Variants in TNR observed in about 807,000 individuals in gnomAD.
TNR encodes tenascin-R.
In TNR, 45 loss-of-function variants were observed where a neutral mutation model predicts 150.4. The ratio of observed to expected loss-of-function variants is 0.30; its 90% CI spans 0.24 to 0.38. The LOEUF is 0.38. Ranked by LOEUF, TNR falls within the 10% of genes least tolerant of loss-of-function variation. TNR has a pLI of 1.00. For synonymous variants in TNR, 687 were observed against 678.4 expected (o/e 1.01, Z -0.20); for missense variants, 1,544 against 1,759.1 (o/e 0.88, Z 2.19).
chr1:175,354,077 C>T (rs1202209749), intron 18 of TNR, among the ~76,000 whole-genome samples: 1 of 152,108 alleles, frequency 6.6e-6, no homozygotes, highest in Non-Finnish European at 1.5e-5. Flanking sequence ...AACTCCTGAC[C>T]TCAGGTAATC....
chr1:175,607,477 T>C (rs1414765232), intron 1 of TNR, among the ~76,000 whole-genome samples: 1 of 152,230 alleles, frequency 6.6e-6, no homozygotes, highest in East Asian at 1.9e-4. Context: ...TTCTGAGTAA[T>C]CACAGAACAC....
chr1:175,671,023 A>T (rs1665681825), intron 1 of TNR, among the ~76,000 whole-genome samples: 2 of 152,174 alleles, frequency 1.3e-5, no homozygotes, highest in African/African-American at 4.8e-5. Context: ...GCTGGAACTC[A>T]GGCCATGACA....
intron 6 of TNR, among the ~76,000 whole-genome samples, chr1:175,393,399 T>C (rs942776209): frequency 1.3e-5 from 2 of 152,212 alleles, no homozygotes; most frequent in African/African-American, 4.8e-5. Context: ...GCTGATTATG[T>C]GATGGATTCA....
intron 1 of TNR, among the ~76,000 whole-genome samples, chr1:175,626,241 A>C (rs553799666): frequency 2.6e-4 from 39 of 152,182 alleles, no homozygotes; most frequent in Non-Finnish European, 2.5e-4. Flanking sequence ...GTGAAAATGC[A>C]CTAATACATT....
chr1:175,529,534 G>A (rs1659983354), intron 1 of TNR, among the ~76,000 whole-genome samples: 1 of 152,210 alleles, frequency 6.6e-6, no homozygotes, highest in Non-Finnish European at 1.5e-5. Flanking sequence ...TCATCAATGG[G>A]TTTGCCAGGG....
At chr1:175,490,676 T>C (rs1404088722) in intron 2 of TNR, among the ~76,000 whole-genome samples, 3 of 152,150 alleles carry the variant, frequency 2.0e-5, no homozygotes, top group African/African-American at 7.2e-5. Context: ...TGAGTTACCA[T>C]CTCACACAAG....
At chr1:175,534,744 C>A (rs1660203534) in intron 1 of TNR, among the ~76,000 whole-genome samples, 4 of 152,274 alleles carry the variant, frequency 2.6e-5, no homozygotes, top group African/African-American at 9.6e-5. Context: ...GCTTGCCCTG[C>A]CTATAGTGGC....
chr1:175,544,621 G>C (rs773603443), intron 1 of TNR, among the ~76,000 whole-genome samples: 1 of 152,178 alleles, frequency 6.6e-6, no homozygotes, highest in Non-Finnish European at 1.5e-5. Flanking sequence ...GGTGCTAATT[G>C]GTGTTAAGGG....
At chr1:175,603,079 T>C (rs569146686) in intron 1 of TNR, among the ~76,000 whole-genome samples, 5 of 152,154 alleles carry the variant, frequency 3.3e-5, no homozygotes, top group Non-Finnish European at 7.3e-5. Context: ...AACCGAGTAA[T>C]AGAAGTTGGT....
chr1:175,741,846 T>C (rs147126389), intron 1 of TNR, among the ~76,000 whole-genome samples: 25 of 152,278 alleles, frequency 1.6e-4, no homozygotes, highest in South Asian at 4.1e-4. Flanking sequence ...TAGGGTCCAT[T>C]TGGGGTTGGA....
intron 1 of TNR, among the ~76,000 whole-genome samples, chr1:175,623,706 G>A (rs1264154474): frequency 6.6e-6 from 1 of 152,240 alleles, no homozygotes; most frequent in Admixed American, 6.5e-5. Context: ...CAGAGAAGAG[G>A]TGACAGGGAG....
intron 2 of TNR, among the ~76,000 whole-genome samples, chr1:175,462,312 C>T (rs148087110): frequency 1.4e-4 from 21 of 152,278 alleles, no homozygotes; most frequent in African/African-American, 4.8e-4. Context: ...ACAGAAGCAA[C>T]TTGAACAATG....
At chr1:175,537,414 C>G (rs1247907799) in intron 1 of TNR, among the ~76,000 whole-genome samples, 1 of 152,158 alleles carries the variant, frequency 6.6e-6, no homozygotes, top group Non-Finnish European at 1.5e-5. Flanking sequence ...TTACTCAGTG[C>G]TTGGCTGGCA....
chr1:175,453,138 A>G (rs1656400648), intron 2 of TNR, among the ~76,000 whole-genome samples: 1 of 152,198 alleles, frequency 6.6e-6, no homozygotes, highest in South Asian at 2.1e-4. Context: ...AAAACAAAAG[A>G]CAAAAGAGAA....
intron 18 of TNR, among the ~76,000 whole-genome samples, chr1:175,338,100 TA>T (rs2101992518): frequency 6.6e-6 from 1 of 152,330 alleles, no homozygotes; most frequent in South Asian, 2.1e-4. Flanking sequence ...TGGGCCAAAA[TA>T]AATCACTGCA....
intron 1 of TNR, among the ~76,000 whole-genome samples, chr1:175,582,079 C>A (rs1662370242): frequency 6.6e-6 from 1 of 152,154 alleles, no homozygotes; most frequent in Admixed American, 6.5e-5. Flanking sequence ...GCTGCAAAAT[C>A]TTAAAGATTA....
intron 1 of TNR, among the ~76,000 whole-genome samples, chr1:175,719,043 C>T (rs1187456788): frequency 6.6e-6 from 1 of 152,202 alleles, no homozygotes; most frequent in African/African-American, 2.4e-5. Context: ...CCATCCAGGC[C>T]TATCTGTGGC....
intron 1 of TNR, among the ~76,000 whole-genome samples, chr1:175,529,435 A>C (rs904152828): frequency 5.3e-5 from 8 of 152,192 alleles, no homozygotes; most frequent in African/African-American, 1.7e-4. Context: ...AACATTTTCC[A>C]TCTTGAGTGA....
At chr1:175,547,601 GAAAGAAAGAAAC>G (rs1368981378) in intron 1 of TNR, among the ~76,000 whole-genome samples, 17 of 22,272 alleles carry the variant, frequency 7.6e-4, no homozygotes, top group African/African-American at 1.3e-3. Context: ...AAGAAAGAAA[GAAAGAAAGAAAC>G]AAAGAAACAA....
Sources: allele counts gnomAD v4.1 joint callset (sites outside exome capture counted in the v4.1 genomes callset), GRCh38; gene constraint gnomAD v4.1.1; transcripts MANE v1.5; gene names NCBI Gene and HGNC (gene_info 2026-07-23, HGNC 2026-07-21).